Variants in ZNHIT3 observed in about 807,000 individuals in gnomAD.
ZNHIT3 encodes the protein zinc finger HIT domain-containing protein 3.
Under a neutral mutation model 19.9 loss-of-function variants are expected in ZNHIT3, and 27 were observed. That is an observed-to-expected ratio of 1.36 (90% CI 1.00 to 1.87). The LOEUF is 1.87. Among genes scored for constraint, ZNHIT3 ranks in the 40% most tolerant of loss-of-function variants. ZNHIT3 has a pLI of 0.00. For missense variants in ZNHIT3, 215 were observed against 185.6 expected (o/e 1.16, Z -0.92); for synonymous variants, 81 against 65.7 (o/e 1.23, Z -1.13).
downstream of ZNHIT3, chr17:36,498,153 G>T: frequency 8.3e-7 from 1 of 1,203,492 alleles, no homozygotes; most frequent in East Asian, 2.4e-5. Context: ...TTACCCAGTA[G>T]GGTTAGGGAT....
intron 2 of ZNHIT3, among the ~76,000 whole-genome samples, chr17:36,487,248 AAT>A (rs1843959644): frequency 6.6e-6 from 1 of 151,038 alleles, no homozygotes; most frequent in East Asian, 2.0e-4. Flanking sequence ...TTTGCTTAGA[AAT>A]AGTTTCCGAT....
At position 36,487,212 on chromosome 17, in the gene ZNHIT3, G is replaced by C. The variant is rs1265648546; in HGVS notation, c.118+246G>C. Among the ~76,000 whole-genome samples, 4 of 151,974 alleles carry C rather than the reference G, an allele frequency of 2.6e-5. No individual in the cohort carries two copies. The East Asian group carries it at 5.8e-4, about 22-fold the overall frequency. Reference sequence around the variant, plus strand: ...TGGTCAGTAGCCTTTCTTCTACCCCGCTTCTCCTTCTGCGTGTTACTCTTT... The same window carrying C: ...TGGTCAGTAGCCTTTCTTCTACCCCCCTTCTCCTTCTGCGTGTTACTCTTT... On this transcript the variant is annotated intron_variant, in intron 2 of 4. Coordinates refer to ENST00000617429, the MANE Select transcript of ZNHIT3 (RefSeq NM_004773.4).
At chr17:36,487,095 AG>A in intron 2 of ZNHIT3, 129 bp downstream of exon 2, 2 of 1,286,880 alleles carry the variant, frequency 1.6e-6, no homozygotes, top group Non-Finnish European at 2.1e-6. Flanking sequence ...CGGGTTCTGC[AG>A]GAACCTTGCT....
At chr17:36,499,244 T>C, downstream of ZNHIT3, 1 of 965,222 alleles carries the variant, frequency 1.0e-6, no homozygotes, top group Non-Finnish European at 1.6e-6. Flanking sequence ...AGCACCACAG[T>C]TGCTGTCAAA....
At position 36,495,472 on chromosome 17, in the gene ZNHIT3, G is replaced by C. The variant is rs556607713; in HGVS notation, c.*68G>C. ...TGGAACCTGCCTGCTCCCTCTCCCA[G>C]ACCAGCTAGTTTGGGGCTGGGGAGC... On this transcript the variant is annotated 3_prime_UTR_variant, in exon 5 of 5. Coordinates refer to ENST00000617429, the MANE Select transcript of ZNHIT3 (RefSeq NM_004773.4). 30 of 1,476,992 alleles carry C rather than the reference G, an allele frequency of 2.0e-5. No homozygotes were observed. In the South Asian group the frequency reaches 4.4e-4, roughly 21 times the overall value. 91.5% of individuals were successfully genotyped at this position (1,476,992 alleles called of 1,614,324 possible).
At chr17:36,494,496 A>AGGT (rs1307230254) in intron 4 of ZNHIT3, among the ~76,000 whole-genome samples, 2 of 152,244 alleles carry the variant, frequency 1.3e-5, no homozygotes, top group African/African-American at 2.4e-5. Context: ...AGGGGGAAAC[A>AGGT]GGTGTTGCCA....
At chr17:36,486,872 C>A in intron 1 of ZNHIT3, 63 bp from the exon 2 acceptor site, 2 of 1,585,132 alleles carry the variant, frequency 1.3e-6, no homozygotes, top group Admixed American at 1.8e-5. Context: ...CGGGAGCGGG[C>A]GGGCTGCTGG....
intron 2 of ZNHIT3, chr17:36,492,218 G>C (rs1364389370): frequency 6.5e-6 from 1 of 153,642 alleles, no homozygotes; most frequent in Non-Finnish European, 1.4e-5. Context: ...CACAATCACA[G>C]CTCACTGCAG....
At chr17:36,496,221 A>T, downstream of ZNHIT3, 2 of 1,611,714 alleles carry the variant, frequency 1.2e-6, no homozygotes, top group Non-Finnish European at 1.7e-6. Context: ...GGGGCAGGAA[A>T]AGGCCTTGTG....
chr17:36,489,934 ATTTTTTTTTTTT>A (rs758612211), intron 2 of ZNHIT3: 13 of 118,198 alleles, frequency 1.1e-4, no homozygotes, highest in African/African-American at 3.8e-4. Context: ...TGTCCACTTA[ATTTTTTTTTTTT>A]TTTTTTTTTG....
intron 2 of ZNHIT3, among the ~76,000 whole-genome samples, chr17:36,487,406 T>C (rs1177972554): frequency 6.6e-6 from 1 of 152,238 alleles, no homozygotes; most frequent in Admixed American, 6.5e-5. Flanking sequence ...GGTAAGTCCA[T>C]GTACAATACA....
chr17:36,492,711 C>T, intron 2 of ZNHIT3, 102 bp from the exon 3 acceptor site: 1 of 1,000,000 alleles, frequency 1.0e-6, no homozygotes, highest in Middle Eastern at 2.2e-4. Flanking sequence ...ACATCCCTTA[C>T]CCCAGACACT....
downstream of ZNHIT3, chr17:36,498,824 C>A: frequency 3.4e-6 from 2 of 594,446 alleles, no homozygotes; most frequent in South Asian, 4.1e-5. Context: ...AAAACCCAGT[C>A]TTCTAAAGTG....
downstream of ZNHIT3, chr17:36,498,828 T>A (rs1227807688): frequency 3.4e-6 from 2 of 593,938 alleles, no homozygotes; most frequent in African/African-American, 1.9e-5. Context: ...CCCAGTCTTC[T>A]AAAGTGTACA....
At chr17:36,487,182 G>T (rs184011282) in intron 2 of ZNHIT3, among the ~76,000 whole-genome samples, 1 of 152,028 alleles carries the variant, frequency 6.6e-6, no homozygotes, top group East Asian at 1.9e-4. Flanking sequence ...TCGCTCTCAG[G>T]GTTTTGGTCA....
downstream of ZNHIT3, chr17:36,499,282 T>C (rs371112561): frequency 4.7e-6 from 3 of 640,832 alleles, no homozygotes; most frequent in East Asian, 9.4e-5. Context: ...TTTTTTTCAA[T>C]AAATTGCTAC....
chr17:36,489,754 A>T (rs7219589), intron 2 of ZNHIT3: 10,610 of 151,632 alleles, frequency 0.07, 624 homozygotes, highest in African/African-American at 0.16. Flanking sequence ...TCAGCCTCCA[A>T]AGTAGCTGGG....
downstream of ZNHIT3, among the ~76,000 whole-genome samples, chr17:36,496,654 C>T (rs980812601): frequency 1.3e-5 from 2 of 152,184 alleles, no homozygotes; most frequent in South Asian, 2.1e-4. Flanking sequence ...AAGGGCAAAA[C>T]ATTTACCCTT....
intron 2 of ZNHIT3, among the ~76,000 whole-genome samples, chr17:36,488,667 A>G (rs1410028304): frequency 5.2e-5 from 4 of 77,374 alleles, no homozygotes; most frequent in African/African-American, 8.6e-5. Context: ...AAAGCCTCCT[A>G]TTGGTTGATT....
Sources: gnomAD v4.1 joint callset for allele counts (sites outside exome capture counted in the v4.1 genomes callset) on GRCh38, gnomAD v4.1.1 for gene constraint, MANE v1.5 for transcripts, NCBI Gene and HGNC (gene_info 2026-07-23, HGNC 2026-07-21) for gene names.